The following ATP6V1D variants were observed in gnomAD, a reference collection of about 807,000 sequenced individuals.
ATP6V1D encodes the protein ATPase H+ transporting V1 subunit D, also known as V-type proton ATPase subunit D.
ATP6V1D carries 20 observed loss-of-function variants against 39.4 expected under a neutral mutation model. That is an observed-to-expected ratio of 0.51 (90% CI 0.36 to 0.74). ATP6V1D has a LOEUF of 0.74. Among genes scored for constraint, ATP6V1D ranks in the 30% least tolerant of loss-of-function variants. ATP6V1D has a pLI of 0.00. For missense variants in ATP6V1D, 228 were observed against 291.6 expected, an observed-to-expected ratio of 0.78 and a Z score of 1.59; for synonymous variants, 100 against 100.5, an observed-to-expected ratio of 0.99 and a Z score of 0.03.
intron 5 of ATP6V1D, among the ~76,000 whole-genome samples, chr14:67,347,122 T>C (rs1239594882): frequency 6.6e-6 from 1 of 152,080 alleles, no homozygotes; most frequent in Non-Finnish European, 1.5e-5. Flanking sequence ...TAGCTGAAAC[T>C]ACAGGCACGT....
At chr14:67,352,621 A>ATAC in intron 2 of ATP6V1D, 1 of 219,340 alleles carries the variant, frequency 4.6e-6, no homozygotes, top group Non-Finnish European at 8.9e-6. Flanking sequence ...GGGAAAGAGT[A>ATAC]TTTCAGGCAG....
chr14:67,352,864 C>A, intron 2 of ATP6V1D, 59 bp downstream of exon 2: 6 of 1,142,526 alleles, frequency 5.3e-6, no homozygotes, highest in East Asian at 2.5e-5. Context: ...AAAAAAAATG[C>A]CAAGGGCCAT....
At position 67,345,800 on chromosome 14, in the gene ATP6V1D, C is replaced by T. The variant is rs1289431347; in HGVS notation, c.424G>A (p.Val142Met). Reference protein sequence around the residue: ...AKLKRNYAKAVELLVELASLQ... With the variant: ...AKLKRNYAKAMELLVELASLQ... ...GAAGCTAGTTCCACCAGTAGTTCCA[C>T]TGCTTTGGCATAATTCCTCTTTAAT... is the stretch of plus-strand genomic sequence containing the variant. The change falls in exon 6 of 9, where the codon GTG becomes ATG. Residue 142 changes from valine (V) to methionine (M), a missense_variant. This residue lies in a region of ATP6V1D where 114 missense variants were observed against 128.3 expected (regional missense o/e 0.89). Transcript: ENST00000216442. 1 of 1,613,982 alleles carries T rather than the reference C, an allele frequency of 6.2e-7. No homozygotes were observed. Among genetic ancestry groups the T allele is most frequent in the Non-Finnish European group, 8.5e-7 (1 of 1,179,970 alleles).
At chr14:67,340,663 A>G (rs2085573576) in intron 7 of ATP6V1D, 145 bp from the exon 8 acceptor site, 2 of 685,988 alleles carry the variant, frequency 2.9e-6, no homozygotes, top group Non-Finnish European at 2.4e-6. Flanking sequence ...TAAAAACACA[A>G]AGAAGCTCTT....
chr14:67,340,032 C>CAAAA (rs34358102), intron 8 of ATP6V1D: 194 of 71,020 alleles, frequency 2.7e-3, no homozygotes, highest in East Asian at 0.01. Context: ...CTCTGTCTCA[C>CAAAA]AAAAAAAAAA....
intron 1 of ATP6V1D, among the ~76,000 whole-genome samples, chr14:67,359,452 G>A (rs932738196): frequency 6.6e-6 from 1 of 151,912 alleles, no homozygotes; most frequent in Admixed American, 6.6e-5. Flanking sequence ...CCTACCGGCT[G>A]GGATCGCTTC....
At chr14:67,355,520 T>C (rs2141113358) in intron 1 of ATP6V1D, among the ~76,000 whole-genome samples, 1 of 124,988 alleles carries the variant, frequency 8.0e-6, no homozygotes, top group East Asian at 2.6e-4. Flanking sequence ...TAGTACATGC[T>C]ACAATAAAAT....
chr14:67,353,430 G>C (rs113206563), intron 1 of ATP6V1D, among the ~76,000 whole-genome samples: 22 of 152,244 alleles, frequency 1.4e-4, no homozygotes, highest in African/African-American at 5.3e-4. Context: ...AGGATCCCTT[G>C]AGCCTGGGAG....
In ATP6V1D at chr14:67,359,690, G is replaced by A. The variant is rs1003037211; in HGVS notation, c.9C>T (p.Gly3=). MS[G]KDRIEIFPSR... ...AGGGAAAGATTTCAATTCGGTCTTT[G>A]CCCGACATTCTGACGATAACTTTTC... Residue 3 remains glycine (G), a synonymous_variant, in exon 1 of 9, where the codon GGC becomes GGT. Transcript: ENST00000216442. 6.8e-6 allele frequency: 11 copies of A among 1,613,850 alleles called. No homozygotes were observed. The highest frequency in any genetic ancestry group is 1.3e-5 in the African/African-American group (1 of 74,882).
chr14:67,343,580 C>T (rs2085601074), intron 6 of ATP6V1D, 142 bp from the exon 7 acceptor site: 4 of 629,210 alleles, frequency 6.4e-6, no homozygotes, highest in Non-Finnish European at 1.1e-5. Context: ...AAACAAAATT[C>T]TTAGGCTGGG....
chr14:67,344,471 CCTAGATATATA>C (rs1468385539), intron 6 of ATP6V1D, among the ~76,000 whole-genome samples: 1 of 152,088 alleles, frequency 6.6e-6, no homozygotes, highest in Non-Finnish European at 1.5e-5. Context: ...GCATTAATAA[CCTAGATATATA>C]CTAACTGGCC....
chr14:67,355,415 C>A (rs1454045661), intron 1 of ATP6V1D, among the ~76,000 whole-genome samples: 1 of 118,872 alleles, frequency 8.4e-6, no homozygotes, highest in Non-Finnish European at 1.6e-5. Flanking sequence ...AAAAGTGGAG[C>A]CCAGTTCGAG....
At chr14:67,355,709 C>T (rs1232205675) in intron 1 of ATP6V1D, among the ~76,000 whole-genome samples, 1 of 151,732 alleles carries the variant, frequency 6.6e-6, no homozygotes, top group Non-Finnish European at 1.5e-5. Context: ...AGGAAGAATG[C>T]TCTAAATAAG....
intron 7 of ATP6V1D, among the ~76,000 whole-genome samples, 166 bp from the exon 8 acceptor site, chr14:67,340,684 T>A (rs951006514): frequency 2.6e-5 from 4 of 151,994 alleles, no homozygotes; most frequent in African/African-American, 7.3e-5. Context: ...CCTCTCCCCC[T>A]CCCCCTCTCC....
At chr14:67,351,993 A>C (rs887336341) in intron 2 of ATP6V1D, among the ~76,000 whole-genome samples, 2 of 151,820 alleles carry the variant, frequency 1.3e-5, no homozygotes, top group Non-Finnish European at 1.5e-5. Context: ...AATAATCAAA[A>C]GTAGTACAGG....
Position 67,354,916 on chromosome 14 carries a change from C to T in ATP6V1D, c.42-1876G>A, listed in dbSNP as rs184116496. 3.9e-5 allele frequency among the ~76,000 whole-genome samples: 6 copies of T among 152,106 alleles called. 1 individual carries two copies. The highest frequency in any genetic ancestry group is 1.3e-4 in the Admixed American group (2 of 15,280). Reference sequence around the variant, plus strand: ...GCAACCTCTGCCTCCCAGGTTCAAGCGATTCTCCTGCCTCAGCATCCCGAG... The same window carrying T: ...GCAACCTCTGCCTCCCAGGTTCAAGTGATTCTCCTGCCTCAGCATCCCGAG... On this transcript the variant is annotated intron_variant, in intron 1 of 8. Transcript: ENST00000216442.
At chr14:67,344,317 C>T (rs1396326004) in intron 6 of ATP6V1D, among the ~76,000 whole-genome samples, 2 of 152,120 alleles carry the variant, frequency 1.3e-5, no homozygotes, top group Admixed American at 6.6e-5. Context: ...GGTGTCTTCC[C>T]GGGTCAATCC....
Position 67,347,913 on chromosome 14 carries a change from CTTCTT to C in ATP6V1D, c.308-465_308-461del, listed in dbSNP as rs2085631173. Among the ~76,000 whole-genome samples the C allele has an allele frequency of 6.1e-5, 7 of 114,274 alleles. No individual in the cohort carries two copies. In the South Asian group the frequency reaches 1.8e-3, roughly 30 times the overall value. 75.0% of individuals were successfully genotyped at this position (114,274 alleles called of 152,430 possible). On this transcript the variant is annotated intron_variant, in intron 4 of 8. Coordinates refer to ENST00000216442, the MANE Select transcript of ATP6V1D (RefSeq NM_015994.4). ...TCAATTAATGAATTTAGGAACTTGC[CTTCTT>C]TTTTTTTTTTTGAGACAGAGTCTCA...
chr14:67,349,776 C>T (rs530011235), intron 3 of ATP6V1D, among the ~76,000 whole-genome samples: 168 of 152,296 alleles, frequency 1.1e-3, no homozygotes, highest in Non-Finnish European at 1.4e-3. Context: ...ACCACTTATA[C>T]ACTATTGATT....
Sources: gnomAD v4.1 joint callset for allele counts (sites outside exome capture counted in the v4.1 genomes callset) on GRCh38, gnomAD v4.1.1 for gene constraint, gnomAD v4.1.1 regional missense constraint, MANE v1.5 for transcripts, NCBI Gene and HGNC (gene_info 2026-07-23, HGNC 2026-07-21) for gene names.